The following RC3H2 variants were observed in gnomAD, a reference collection of about 807,000 sequenced individuals.
The protein encoded by RC3H2 is roquin-2.
RC3H2 carries 31 observed loss-of-function variants against 133.3 expected under a neutral mutation model. That is an observed-to-expected ratio of 0.23 (90% confidence interval 0.17 to 0.31). RC3H2 has a LOEUF of 0.31. Ranked by LOEUF, RC3H2 falls within the 10% of genes least tolerant of loss-of-function variation. The pLI, the probability that RC3H2 is intolerant of heterozygous loss-of-function variation, is 1.00. For synonymous variants in RC3H2, 517 were observed against 502.2 expected (o/e 1.03, Z -0.40); for missense variants, 1,175 against 1,437.2 (o/e 0.82, Z 2.95).
chr9:122,862,139 T>C (rs1458256897), intron 10 of RC3H2, among the ~76,000 whole-genome samples: 1 of 152,154 alleles, frequency 6.6e-6, no homozygotes, highest in Non-Finnish European at 1.5e-5. Context: ...ACAAGATCCA[T>C]GATAAGGTCA....
In RC3H2 at chr9:122,883,206, T is replaced by G; in HGVS notation, c.757A>C (p.Lys253Gln). 1 of 1,611,020 alleles carries G rather than the reference T, an allele frequency of 6.2e-7. No homozygotes were observed. The highest frequency in any genetic ancestry group is 8.5e-7 in the Non-Finnish European group (1 of 1,179,244). ...TTACATAGATACTTACTGCTTACCT[T>G]AAAACAAGAAGCTCGATACAGTAGT... is the stretch of plus-strand genomic sequence containing the variant. The part of the protein sequence containing the change: ...VQLLYRASCF[K>Q]VTKRDEDSSL... Residue 253 changes from lysine to glutamine, a missense_variant and splice_region_variant, in exon 5 of 21, where the codon AAG (lysine) becomes CAG (glutamine). Lys to Gln is a moderately conservative substitution (Grantham distance 53). This residue lies in a region of RC3H2 where 121 missense variants were observed against 243.5 expected (regional missense o/e 0.50). Transcript: ENST00000357244.
In RC3H2 at chr9:122,865,399, G is replaced by A. The variant is rs1191168207; in HGVS notation, c.1584C>T (p.Gly528=). ...GCCCAGCAGCATTCTGACCATTAGC[G>A]CCAACCTTTCCCACTTTCTTCACGG... is the stretch of plus-strand genomic sequence containing the variant. The part of the protein sequence containing the change: ...LETVKKVGKV[G]ANGQNAAGPS... Residue 528 remains glycine (G), a synonymous_variant, in exon 10 of 21, where the codon GGC becomes GGT. Coordinates refer to ENST00000357244, the MANE Select transcript of RC3H2 (RefSeq NM_001100588.3). 1.5e-5 allele frequency: 25 copies of A among 1,613,934 alleles called. No homozygotes were observed. Among genetic ancestry groups the A allele is most frequent in the African/African-American group, 2.7e-5 (2 of 74,910 alleles).
At chr9:122,879,402 A>G (rs1831499293) in intron 8 of RC3H2, among the ~76,000 whole-genome samples, 1 of 152,132 alleles carries the variant, frequency 6.6e-6, no homozygotes, top group African/African-American at 2.4e-5. Context: ...TAAAAAAAAA[A>G]GAAAGAAAAT....
intron 5 of RC3H2, among the ~76,000 whole-genome samples, chr9:122,881,664 G>A (rs948598232): frequency 3.3e-5 from 5 of 151,798 alleles, no homozygotes; most frequent in African/African-American, 1.2e-4. Flanking sequence ...GACTTTTTTT[G>A]CAGGGGTGGG....
intron 2 of RC3H2, among the ~76,000 whole-genome samples, chr9:122,894,952 C>T (rs1292520705): frequency 2.0e-5 from 3 of 152,118 alleles, no homozygotes; most frequent in Non-Finnish European, 4.4e-5. Flanking sequence ...CTACAAAAGC[C>T]ATCACTTGGC....
chr9:122,877,388 C>G (rs990763295), intron 9 of RC3H2, 83 bp downstream of exon 9: 17 of 1,081,028 alleles, frequency 1.6e-5, no homozygotes, highest in Non-Finnish European at 2.3e-5. Flanking sequence ...TTTTGAAAGT[C>G]ATCACAAACT....
At chr9:122,878,325 G>T (rs752448338) in intron 8 of RC3H2, among the ~76,000 whole-genome samples, 2 of 151,928 alleles carry the variant, frequency 1.3e-5, no homozygotes, top group Non-Finnish European at 2.9e-5. Flanking sequence ...GGAGTGCAGT[G>T]GCGCCATCTC....
Position 122,858,837 on chromosome 9 carries a change from C to T in RC3H2, c.2115G>A (p.Met705Ile), listed in dbSNP as rs1588058315. The T allele has an allele frequency of 2.5e-6, 4 of 1,614,280 alleles. No homozygotes were observed. In the African/African-American group the frequency reaches 4.0e-5, roughly 16 times the overall value. ...YDSRRIWRPP[M>I]YQRDDIIRSN... The stretch of plus-strand genomic sequence containing the variant: ...TTCTAATAATGTCATCTCGTTGGTA[C>T]ATAGGTGGGCGCCAGATGCGCCTGC... The change falls in exon 12 of 21, where the codon ATG (methionine) becomes ATA (isoleucine). Residue 705 changes from methionine (M) to isoleucine (I), a missense_variant. Transcript: ENST00000357244.
At position 122,879,738 on chromosome 9, in the gene RC3H2, G is replaced by T; in HGVS notation, c.1212+17C>A. The T allele has an allele frequency of 6.6e-7, 1 of 1,509,030 alleles. No homozygotes were observed. Among genetic ancestry groups the T allele is most frequent in the Non-Finnish European group, 9.1e-7 (1 of 1,097,444 alleles). The allele number at this position is 1,509,030 out of a possible 1,614,324, so 93.5% of individuals were successfully genotyped here. Reference sequence around the variant, plus strand: ...GTTAGAGACAACAGCAGTCAGAAATGTAATAAATGTACTTACCTGAGGGGT... The same window carrying T: ...GTTAGAGACAACAGCAGTCAGAAATTTAATAAATGTACTTACCTGAGGGGT... On this transcript the variant is annotated intron_variant, in intron 8 of 20. Coordinates refer to ENST00000357244, the MANE Select transcript of RC3H2 (RefSeq NM_001100588.3).
chr9:122,862,460 T>A (rs1399641134), intron 10 of RC3H2, among the ~76,000 whole-genome samples: 1 of 152,218 alleles, frequency 6.6e-6, no homozygotes, highest in Admixed American at 6.5e-5. Flanking sequence ...TTGCTATCCA[T>A]ACTTTTGGAA....
chr9:122,880,945 A>C, intron 5 of RC3H2, 151 bp from the exon 6 acceptor site: 2 of 624,824 alleles, frequency 3.2e-6, no homozygotes, highest in South Asian at 3.9e-5. Flanking sequence ...CCTGACCACA[A>C]ATTCTTTCTG....
chr9:122,880,924 T>C (rs1831590871), intron 5 of RC3H2, 130 bp from the exon 6 acceptor site: 8 of 664,156 alleles, frequency 1.2e-5, no homozygotes, highest in African/African-American at 1.8e-5. Flanking sequence ...GGTACAAAGA[T>C]AAGATAATGT....
At position 122,851,338 on chromosome 9, in the gene RC3H2, T is replaced by C. The variant is rs988607846; in HGVS notation, c.3216A>G (p.Gln1072=). ...SALDTDEPDG[Q]SEPIEEILDI... is the part of the protein sequence containing the mutation. ...TGGCACTTACTTCAATTGGTTCACTTTGTCCATCAGGTTCATCAGTATCAA... is the reference window on the plus strand; with the variant it reads ...TGGCACTTACTTCAATTGGTTCACTCTGTCCATCAGGTTCATCAGTATCAA... The change falls in exon 19 of 21, where the codon CAA becomes CAG. Residue 1072 remains glutamine, a synonymous_variant. Coordinates refer to ENST00000357244, the MANE Select transcript of RC3H2 (RefSeq NM_001100588.3). 2.5e-6 allele frequency: 4 copies of C among 1,614,028 alleles called. No homozygotes were observed. The highest frequency in any genetic ancestry group is 3.3e-5 in the Admixed American group (2 of 60,006).
intron 9 of RC3H2, among the ~76,000 whole-genome samples, chr9:122,870,422 A>AC (rs922292373): frequency 1.3e-5 from 2 of 151,682 alleles, no homozygotes. Flanking sequence ...ACAAAAAAAA[A>AC]ACAACAAACT....
At chr9:122,877,320 C>T (rs1026283758) in intron 9 of RC3H2, 151 bp downstream of exon 9, 5 of 604,690 alleles carry the variant, frequency 8.3e-6, no homozygotes, top group African/African-American at 7.6e-5. Context: ...CCTGCCTCAG[C>T]CCCGCAAACT....
intron 9 of RC3H2, among the ~76,000 whole-genome samples, chr9:122,868,085 C>G (rs915802712): frequency 7.3e-6 from 1 of 137,436 alleles, no homozygotes; most frequent in Non-Finnish European, 1.6e-5. Context: ...GTCAGCACCC[C>G]GCCCGGCCAG....
intron 4 of RC3H2, among the ~76,000 whole-genome samples, chr9:122,884,801 C>T (rs778818199): frequency 1.0e-4 from 15 of 150,106 alleles, no homozygotes; most frequent in African/African-American, 3.0e-4. Context: ...TGCAGTGAGC[C>T]GAGATTACGC....
intron 9 of RC3H2, among the ~76,000 whole-genome samples, chr9:122,873,596 C>T (rs984832830): frequency 1.8e-4 from 27 of 151,696 alleles, no homozygotes; most frequent in African/African-American, 6.3e-4. Context: ...GTCTGTGGTC[C>T]CAGCTACTCG....
At chr9:122,897,017 CTCTG>C (rs1194303177) in intron 2 of RC3H2, among the ~76,000 whole-genome samples, 7 of 99,212 alleles carry the variant, frequency 7.1e-5, no homozygotes, top group South Asian at 3.7e-4. Context: ...CAGAGTGAGA[CTCTG>C]TCTAAAAAAA....
Sources: gnomAD v4.1 joint callset for allele counts (sites outside exome capture counted in the v4.1 genomes callset) on GRCh38, gnomAD v4.1.1 for gene constraint, gnomAD v4.1.1 regional missense constraint, MANE v1.5 for transcripts, NCBI Gene and HGNC (gene_info 2026-07-23, HGNC 2026-07-21) for gene names.